Variants in RPH3AL observed in about 807,000 individuals in gnomAD.
The protein encoded by RPH3AL is rabphilin 3A like (without C2 domains).
Under a neutral mutation model 43.1 loss-of-function variants are expected in RPH3AL, and 38 were observed. The ratio of observed to expected loss-of-function variants is 0.88; its 90% CI spans 0.68 to 1.15. RPH3AL has a LOEUF of 1.15. Among genes scored for constraint, RPH3AL ranks in the 50% most tolerant of loss-of-function variants. RPH3AL has a pLI of 0.00. For missense variants in RPH3AL, 462 were observed against 423.2 expected, an observed-to-expected ratio of 1.09 and a Z score of -0.81; for synonymous variants, 189 against 176.3, an observed-to-expected ratio of 1.07 and a Z score of -0.57.
chr17:279,637 C>T (rs1168590643), intron 6 of RPH3AL, among the ~76,000 whole-genome samples: 1 of 152,170 alleles, frequency 6.6e-6, no homozygotes, highest in Non-Finnish European at 1.5e-5. Context: ...GTCTTTCCTT[C>T]CATTCACTTT....
intron 7 of RPH3AL, among the ~76,000 whole-genome samples, chr17:239,848 T>C (rs989772984): frequency 2.6e-5 from 4 of 152,226 alleles, no homozygotes; most frequent in Non-Finnish European, 5.9e-5. Context: ...CAGGCTAGTC[T>C]TGAACTCTTG....
rs1040711882 is a variant in RPH3AL at position 268,672 on chromosome 17, G to A, written c.438+13096C>T. Among the ~76,000 whole-genome samples the A allele has an allele frequency of 3.7e-5, 5 of 134,960 alleles. No homozygotes were observed. In the South Asian group the frequency reaches 7.6e-4, roughly 20 times the overall value. 88.5% of individuals were successfully genotyped at this position (134,960 alleles called of 152,430 possible). ...GCCTCCCAGGTTCAAGCAATCCTCC[G>A]ACCTCAGCCTCCCAAGTAGCTGGGG... On this transcript the variant is annotated intron_variant, in intron 6 of 9. Coordinates refer to ENST00000331302, the MANE Select transcript of RPH3AL (RefSeq NM_006987.4).
chr17:332,966 T>A, intron 2 of RPH3AL: 2 of 1,254,470 alleles, frequency 1.6e-6, no homozygotes, highest in Non-Finnish European at 2.1e-6. Context: ...TTGCCGGTGA[T>A]AATTTCCCGA....
intron 6 of RPH3AL, among the ~76,000 whole-genome samples, chr17:267,523 G>A (rs2042351314): frequency 6.6e-6 from 1 of 152,234 alleles, no homozygotes; most frequent in South Asian, 2.1e-4. Flanking sequence ...CACAGTCTCA[G>A]AAATATGTTC....
At chr17:325,245 C>T (rs2044592494) in intron 3 of RPH3AL, among the ~76,000 whole-genome samples, 1 of 152,358 alleles carries the variant, frequency 6.6e-6, no homozygotes, top group East Asian at 1.9e-4. Flanking sequence ...AGAATCTACT[C>T]TCAGAGTTCC....
In RPH3AL at chr17:247,172, C is replaced by T. The variant is rs149244732; in HGVS notation, c.552G>A (p.Pro184=). The T allele has an allele frequency of 8.8e-5, 142 of 1,614,068 alleles. No homozygotes were observed. The African/African-American group carries it at 1.5e-3, about 17-fold the overall frequency. ...CAGAGCTTCTGGGCTCTCGCTCTGC[C>T]GGTTCCGTGGGCAAAGGTCGGAAGT... The part of the protein sequence containing the change: ...DPHFRPLPTE[P]AEREPRSSET... Residue 184 remains proline, a synonymous_variant, in exon 7 of 10, where the codon CCG becomes CCA. Transcript: ENST00000331302.
intron 5 of RPH3AL, among the ~76,000 whole-genome samples, chr17:318,749 G>A (rs937497086): frequency 2.6e-5 from 4 of 152,192 alleles, no homozygotes; most frequent in South Asian, 2.1e-4. Flanking sequence ...GACTCAATGC[G>A]AAACAATTTA....
chr17:269,393 T>C (rs1173237186), intron 6 of RPH3AL, among the ~76,000 whole-genome samples: 1 of 152,178 alleles, frequency 6.6e-6, no homozygotes, highest in African/African-American at 2.4e-5. Context: ...CCCTCAGCCC[T>C]GGCCCCCTTG....
chr17:346,914 A>C (rs994717674), intron 1 of RPH3AL, among the ~76,000 whole-genome samples: 4 of 135,334 alleles, frequency 3.0e-5, no homozygotes, highest in African/African-American at 1.0e-4. Context: ...AACACTGACA[A>C]CACCAAATGC....
In RPH3AL at chr17:264,459, C is replaced by T. The variant is rs1212383215; in HGVS notation, c.439-17174G>A. Among the ~76,000 whole-genome samples the T allele has an allele frequency of 1.4e-5, 2 of 143,668 alleles. No individual in the cohort carries two copies. Among genetic ancestry groups the T allele is most frequent in the African/African-American group, 5.1e-5 (2 of 39,202 alleles). The allele number at this position is 143,668 out of a possible 152,430, so 94.3% of individuals were successfully genotyped here. On this transcript the variant is annotated intron_variant, in intron 6 of 9. Coordinates refer to ENST00000331302, the MANE Select transcript of RPH3AL (RefSeq NM_006987.4). The surrounding 1 kb of genome is among the most constrained non-coding windows in gnomAD (Gnocchi z 4.8). ...GCATGTTGACAGCAGGATTACCCTT[C>T]GGAGCCGCGAGCGCTGGATGGGGAC...
chr17:347,579 G>A (rs953805962), intron 1 of RPH3AL, among the ~76,000 whole-genome samples: 1 of 140,370 alleles, frequency 7.1e-6, no homozygotes, highest in Admixed American at 7.2e-5. Flanking sequence ...GCAAGACTCT[G>A]TTCAAAAAAA....
chr17:307,109 G>GGCAGGCCTGTCCCACA (rs2043507686), intron 5 of RPH3AL, among the ~76,000 whole-genome samples: 1 of 150,976 alleles, frequency 6.6e-6, no homozygotes, highest in Admixed American at 6.6e-5. Context: ...CCCATCCCAT[G>GGCAGGCCTGTCCCACA]GCAGGCCTGT....
chr17:220,467 C>G (rs879002942), intron 7 of RPH3AL, among the ~76,000 whole-genome samples: 7 of 117,694 alleles, frequency 5.9e-5, no homozygotes, highest in Middle Eastern at 4.6e-3. Flanking sequence ...AGCTCTGAGG[C>G]CTCCACTCAC....
At chr17:275,303 A>G (rs2042628163) in intron 6 of RPH3AL, among the ~76,000 whole-genome samples, 1 of 152,012 alleles carries the variant, frequency 6.6e-6, no homozygotes, top group South Asian at 2.1e-4. Flanking sequence ...ATAAATAGGT[A>G]CGTATTTTTT....
At chr17:234,229 G>A (rs1415240372) in intron 7 of RPH3AL, among the ~76,000 whole-genome samples, 3 of 75,654 alleles carry the variant, frequency 4.0e-5, no homozygotes, top group African/African-American at 6.6e-5. Context: ...CAACTTCCCT[G>A]AGCAGGGAGC....
At chr17:319,290 C>T (rs2044390681) in intron 5 of RPH3AL, 130 bp downstream of exon 5, 1 of 1,141,778 alleles carries the variant, frequency 8.8e-7, no homozygotes. Context: ...TGCTTCTTGC[C>T]AAGATGCAGA....
intron 1 of RPH3AL, among the ~76,000 whole-genome samples, chr17:337,494 G>A (rs1243963066): frequency 6.6e-6 from 1 of 152,150 alleles, no homozygotes; most frequent in African/African-American, 2.4e-5. Context: ...GCCACACACG[G>A]GCTCTCTACG....
rs146587184 is a variant in RPH3AL, at chr17:341,628, T to C, written c.-212-7694A>G. ...AGAGGACACCAAAAAATAGGTGTCATCTACATTTTGGTGTCATCTAAGATT... is the reference window on the plus strand; with the variant it reads ...AGAGGACACCAAAAAATAGGTGTCACCTACATTTTGGTGTCATCTAAGATT... On this transcript the variant is annotated intron_variant, in intron 1 of 9. Transcript: ENST00000331302. Among the ~76,000 whole-genome samples, 854 of 152,286 alleles carry C rather than the reference T, an allele frequency of 5.6e-3. 25 individuals are homozygous for C. The highest frequency in any genetic ancestry group is 0.046 in the Admixed American group (701 of 15,302).
chr17:284,110 T>C (rs9901577), intron 5 of RPH3AL, among the ~76,000 whole-genome samples: 126,315 of 152,180 alleles, frequency 0.83, 52,883 homozygotes, highest in Admixed American at 0.89. Context: ...CTTATAAACA[T>C]GCAGAGTGCC....
Sources: allele counts gnomAD v4.1 joint callset (sites outside exome capture counted in the v4.1 genomes callset), GRCh38; gene constraint gnomAD v4.1.1; non-coding constraint Gnocchi (gnomAD v3.1); transcripts MANE v1.5; gene names NCBI Gene and HGNC (gene_info 2026-07-23, HGNC 2026-07-21).